The following CCDC32 variants were observed in gnomAD, a reference collection of about 807,000 sequenced individuals.
The protein encoded by CCDC32 is coiled-coil domain containing 32.
Under a neutral mutation model 20.1 loss-of-function variants are expected in CCDC32, and 9 were observed. The ratio of observed to expected loss-of-function variants is 0.45; its 90% CI spans 0.27 to 0.78. The LOEUF is 0.78. Among genes scored for constraint, CCDC32 ranks in the 30% least tolerant of loss-of-function variants. The pLI is 0.16. For missense variants in CCDC32, 204 were observed against 215.5 expected, an observed-to-expected ratio of 0.95 and a Z score of 0.33; for synonymous variants, 63 against 79.0, an observed-to-expected ratio of 0.80 and a Z score of 1.07.
downstream of CCDC32, among the ~76,000 whole-genome samples, chr15:40,527,690 A>C (rs1894916720): frequency 6.6e-6 from 1 of 152,086 alleles, no homozygotes; most frequent in Admixed American, 6.6e-5. Flanking sequence ...GCTTTATAAG[A>C]AGAGGAAGAG....
At chr15:40,525,575 G>T (rs1331216103), downstream of CCDC32, among the ~76,000 whole-genome samples, 2 of 152,202 alleles carry the variant, frequency 1.3e-5, no homozygotes, top group Non-Finnish European at 2.9e-5. Context: ...CAAGACCTCA[G>T]GGAGGCCTAC....
chr15:40,561,040 T>G (rs1595895203), intron 2 of CCDC32, among the ~76,000 whole-genome samples: 1 of 152,110 alleles, frequency 6.6e-6, no homozygotes, highest in South Asian at 2.1e-4. Flanking sequence ...TAAGAAATAA[T>G]AAAATAATGT....
downstream of CCDC32, among the ~76,000 whole-genome samples, chr15:40,549,731 C>T (rs1212712464): frequency 6.6e-6 from 1 of 152,232 alleles, no homozygotes; most frequent in Non-Finnish European, 1.5e-5. Flanking sequence ...CTCAAGTAAA[C>T]AGCCCTCGCA....
chr15:40,544,774 G>A (rs765490491), intron 3 of CCDC32, among the ~76,000 whole-genome samples: 46 of 152,170 alleles, frequency 3.0e-4, no homozygotes, highest in Non-Finnish European at 5.7e-4. Context: ...CCAGAGTCTG[G>A]CTTCTTGGCT....
chr15:40,561,588 C>T (rs892943707), intron 2 of CCDC32, among the ~76,000 whole-genome samples: 5 of 151,884 alleles, frequency 3.3e-5, no homozygotes, highest in African/African-American at 9.7e-5. Flanking sequence ...AAAAACTACA[C>T]ATTGGGTACA....
At chr15:40,539,032 C>T (rs1889255330), downstream of CCDC32, 1 of 577,666 alleles carries the variant, frequency 1.7e-6, no homozygotes. Context: ...TGACTAAAGC[C>T]CTGTCTCTCT....
intron 2 of CCDC32, 41 bp downstream of exon 2, chr15:40,562,731 A>C (rs771272241): frequency 5.7e-6 from 9 of 1,577,240 alleles, no homozygotes; most frequent in Non-Finnish European, 6.9e-6. Context: ...AGTTTGATGT[A>C]ACAGAACTTC....
chr15:40,535,700 G>T, downstream of CCDC32: 1 of 950,910 alleles, frequency 1.1e-6, no homozygotes, highest in Non-Finnish European at 1.2e-6. Flanking sequence ...TCATCAGTGT[G>T]CGGGATTTGA....
chr15:40,564,737 A>C, intron 1 of CCDC32: 2 of 1,614,164 alleles, frequency 1.2e-6, no homozygotes, highest in Non-Finnish European at 1.7e-6. Context: ...AATTCGTCTA[A>C]AGCCACCCAA....
chr15:40,535,646 C>T, downstream of CCDC32: 1 of 985,060 alleles, frequency 1.0e-6, no homozygotes, highest in Non-Finnish European at 1.2e-6. Context: ...GCATGCTGAA[C>T]AACACACCAG....
Position 40,540,956 on chromosome 15 carries a change from A to T in CCDC32, c.402-1601T>A, listed in dbSNP as rs192860516. ...GGACATTCAGACTAGGCTGGGCTGA[A>T]CTCACCCCCGGGGAGAACCACTTCC... is the stretch of plus-strand genomic sequence containing the variant. On this transcript the variant is annotated intron_variant, in intron 3 of 3. Transcript: ENST00000558113. 3.4e-3 allele frequency among the ~76,000 whole-genome samples: 514 copies of T among 152,064 alleles called. 1 individual carries two copies. Among genetic ancestry groups the T allele is most frequent in the Non-Finnish European group, 4.2e-3 (285 of 67,956 alleles).
Position 40,562,770 on chromosome 15 carries a change from A to G in CCDC32, c.244+2T>C, listed in dbSNP as rs1457656302. On this transcript the variant is annotated splice_donor_variant, in intron 2 of 3. Coordinates refer to ENST00000416810, the MANE Select transcript of CCDC32 (RefSeq NM_001080792.4). LOFTEE classifies it high-confidence loss of function. ...ATGCTTCCCTAGAGCCGTCAAACTT[A>G]CCTAGAGATGCTAAATACACTTCTG... is the stretch of plus-strand genomic sequence containing the variant. The G allele has an allele frequency of 6.2e-7, 1 of 1,612,066 alleles. No individual in the cohort carries two copies. Among genetic ancestry groups the G allele is most frequent in the East Asian group, 2.2e-5 (1 of 44,830 alleles).
chr15:40,553,320 A>G lies in CCDC32; in HGVS notation c.*651T>C, dbSNP rs1369619403. 1 of 985,264 alleles carries G rather than the reference A, an allele frequency of 1.0e-6. No individual in the cohort carries two copies. The highest frequency in any genetic ancestry group is 1.7e-5 in the African/African-American group (1 of 57,202). The allele number at this position is 985,264 out of a possible 1,614,324, so 61.0% of individuals were successfully genotyped here. A position where few individuals can be genotyped will look rare whatever the true frequency, so the allele number is the denominator to read the frequency against. On this transcript the variant is annotated 3_prime_UTR_variant, in exon 4 of 4. Transcript: ENST00000416810. ...AGGAGAAGCCATGCATGAAGTAAAAAATACATATACACAGACATAAACACC... is the reference window on the plus strand; with the variant it reads ...AGGAGAAGCCATGCATGAAGTAAAAGATACATATACACAGACATAAACACC...
Position 40,562,901 on chromosome 15 carries a change from A to G in CCDC32, c.115T>C (p.Phe39Leu). 6.2e-7 allele frequency: 1 copy of G among 1,614,208 alleles called. No individual in the cohort carries two copies. The highest frequency in any genetic ancestry group is 8.5e-7 in the Non-Finnish European group (1 of 1,180,048). ...PEQEDGANNAFSDSFVDSCPE... is the reference protein window; with the variant it reads ...PEQEDGANNALSDSFVDSCPE... ...CAAGAATCCACAAAGGAGTCTGAGA[A>G]TGCATTGTTGGCACCATCTTCTTGT... The change falls in exon 2 of 4, where the codon TTC (phenylalanine) becomes CTC (leucine). Residue 39 changes from phenylalanine to leucine, a missense_variant. Phe to Leu is a conservative substitution (Grantham distance 22, BLOSUM62 0). Transcript: ENST00000416810.
At chr15:40,528,915 G>T (rs1400860224) in intron 3 of CCDC32, 1 of 621,644 alleles carries the variant, frequency 1.6e-6, no homozygotes, top group African/African-American at 1.8e-5. Flanking sequence ...TCTGGCTCCA[G>T]CACGTGCTGA....
At chr15:40,536,274 C>T (rs962158031), downstream of CCDC32, 1 of 152,392 alleles carries the variant, frequency 6.6e-6, no homozygotes, top group Non-Finnish European at 1.5e-5. Flanking sequence ...CACATCATCA[C>T]GCAGCACAGC....
chr15:40,537,807 A>G, downstream of CCDC32: 1 of 152,324 alleles, frequency 6.6e-6, no homozygotes, highest in Non-Finnish European at 1.5e-5. Context: ...AAAATTAGCC[A>G]GGCATGGCAG....
rs749868454 is a variant in CCDC32 at position 40,562,848 on chromosome 15, C to T, written c.168G>A (p.Val56=). The change falls in exon 2 of 4, where the codon GTG becomes GTA. Residue 56 remains valine, a synonymous_variant. Transcript: ENST00000416810. ...SCPEGEGQRE[V]ADFAVQPAVK... ...CAGCTGGCTGGACAGCAAAGTCAGC[C>T]ACCTCCCTCTGGCCTTCACCTTCAG... 84 of 1,614,084 alleles carry T rather than the reference C, an allele frequency of 5.2e-5. No individual in the cohort carries two copies. Among genetic ancestry groups the T allele is most frequent in the Non-Finnish European group, 6.3e-5 (74 of 1,180,054 alleles).
chr15:40,548,417 A>T (rs966305347), downstream of CCDC32, among the ~76,000 whole-genome samples: 11 of 152,166 alleles, frequency 7.2e-5, no homozygotes, highest in African/African-American at 2.7e-4. Context: ...AAAATACTTA[A>T]AAATTAGCTA....
Sources: gnomAD v4.1 joint callset for allele counts (sites outside exome capture counted in the v4.1 genomes callset) on GRCh38, gnomAD v4.1.1 for gene constraint, MANE v1.5 for transcripts, NCBI Gene and HGNC (gene_info 2026-07-23, HGNC 2026-07-21) for gene names.